The following OR2L13 variants were observed in gnomAD, a reference collection of about 807,000 sequenced individuals.
The protein encoded by OR2L13 is olfactory receptor 2L13.
In OR2L13, 14 loss-of-function variants were observed where a neutral mutation model predicts 15.3. That is an observed-to-expected ratio of 0.91 (90% CI 0.60 to 1.43). The LOEUF is 1.43. Among genes scored for constraint, OR2L13 ranks in the 40% most tolerant of loss-of-function variants. The pLI, the probability that OR2L13 is intolerant of heterozygous loss-of-function variation, is 0.00. For missense variants in OR2L13, 367 were observed against 387.9 expected, an observed-to-expected ratio of 0.95 and a Z score of 0.45; for synonymous variants, 152 against 142.9, an observed-to-expected ratio of 1.06 and a Z score of -0.45.
At chr1:248,031,971 C>A in the OR2L13 span, among the ~76,000 whole-genome samples, 1 of 151,764 alleles carries the variant, frequency 6.6e-6, no homozygotes, top group African/African-American at 2.4e-5. Context: ...CATCGACTGC[C>A]CTATATAAAA....
chr1:247,989,083 A>G, the OR2L13 span, among the ~76,000 whole-genome samples: 1 of 152,150 alleles, frequency 6.6e-6, no homozygotes, highest in Non-Finnish European at 1.5e-5. Context: ...GGGGGTCTGC[A>G]CTAACTTAAG....
chr1:247,945,797 G>C, the OR2L13 span, among the ~76,000 whole-genome samples: 1 of 151,930 alleles, frequency 6.6e-6, no homozygotes. Flanking sequence ...AGTCTATTTC[G>C]TCAGAAACTA....
At chr1:248,057,528 T>A in the OR2L13 span, among the ~76,000 whole-genome samples, 1 of 152,210 alleles carries the variant, frequency 6.6e-6, no homozygotes, top group South Asian at 2.1e-4. Flanking sequence ...TCTGTGTGCA[T>A]CTTTGCACAT....
the OR2L13 span, among the ~76,000 whole-genome samples, chr1:248,063,780 T>C: frequency 2.4e-5 from 3 of 123,792 alleles, no homozygotes; most frequent in Non-Finnish European, 5.1e-5. Context: ...TGTGAAGTAT[T>C]ACAAGATGTG....
chr1:248,013,045 T>C, the OR2L13 span, among the ~76,000 whole-genome samples: 1 of 151,792 alleles, frequency 6.6e-6, no homozygotes, highest in Non-Finnish European at 1.5e-5. Context: ...AAAATTGTTT[T>C]AAAATTTAAT....
chr1:248,071,808 T>C, the OR2L13 span, among the ~76,000 whole-genome samples: 1 of 148,810 alleles, frequency 6.7e-6, no homozygotes, highest in African/African-American at 2.5e-5. Flanking sequence ...TGTACAAAAA[T>C]CACAAGCATT....
the OR2L13 span, among the ~76,000 whole-genome samples, chr1:248,017,276 A>G: frequency 6.6e-6 from 1 of 152,226 alleles, no homozygotes; most frequent in Non-Finnish European, 1.5e-5. Flanking sequence ...TTATTTTTAC[A>G]TAAGAAAAAA....
At chr1:248,082,234 T>C in the OR2L13 span, among the ~76,000 whole-genome samples, 2 of 145,784 alleles carry the variant, frequency 1.4e-5, no homozygotes, top group East Asian at 2.0e-4. Context: ...CAGTAAACTA[T>C]TGCAAGAACA....
At chr1:248,030,745 G>A in the OR2L13 span, among the ~76,000 whole-genome samples, 4 of 152,114 alleles carry the variant, frequency 2.6e-5, no homozygotes, top group Non-Finnish European at 5.9e-5. Context: ...CTAAGATGTC[G>A]GTGGTGATGT....
the OR2L13 span, among the ~76,000 whole-genome samples, chr1:248,019,250 A>T: frequency 2.0e-5 from 3 of 152,218 alleles, no homozygotes; most frequent in Non-Finnish European, 4.4e-5. Context: ...TTTGACTTTA[A>T]TATGCATTTA....
At chr1:248,041,690 G>T in the OR2L13 span, 3 of 152,092 alleles carry the variant, frequency 2.0e-5, no homozygotes, top group Non-Finnish European at 2.9e-5. Context: ...CCATCAAAAA[G>T]TGGGTGAAGG....
At chr1:248,031,507 G>T in the OR2L13 span, among the ~76,000 whole-genome samples, 1 of 152,194 alleles carries the variant, frequency 6.6e-6, no homozygotes, top group Non-Finnish European at 1.5e-5. Flanking sequence ...GTCTTTTAAT[G>T]GGGTCTTGGT....
At chr1:248,098,822 C>T (rs944315022) in intron 2 of OR2L13, 47 bp downstream of exon 2, 2 of 152,488 alleles carry the variant, frequency 1.3e-5, no homozygotes, top group African/African-American at 2.4e-5. Context: ...TTTACGAATA[C>T]CTGGGAAACT....
At chr1:248,034,140 C>T in the OR2L13 span, among the ~76,000 whole-genome samples, 9 of 152,168 alleles carry the variant, frequency 5.9e-5, no homozygotes, top group African/African-American at 2.2e-4. Context: ...CTACAAAACA[C>T]TGCTGAAAGA....
exon 3 of OR2L13, chr1:248,099,943 G>T: frequency 6.2e-7 from 1 of 1,614,090 alleles, no homozygotes; most frequent in Non-Finnish European, 8.5e-7. Flanking sequence ...TGCCTGTACA[G>T]ATACTTGGGT....
chr1:247,971,248 T>C, the OR2L13 span, among the ~76,000 whole-genome samples: 1 of 152,112 alleles, frequency 6.6e-6, no homozygotes, highest in Non-Finnish European at 1.5e-5. Flanking sequence ...TTTTCTTTTC[T>C]TCAAATAAGG....
chr1:248,100,073 G>A, exon 3 of OR2L13: 1 of 1,613,852 alleles, frequency 6.2e-7, no homozygotes, highest in Non-Finnish European at 8.5e-7. Context: ...AAGGAGGGGA[G>A]AAAAAAGGCC....
At chr1:248,047,502 G>C in the OR2L13 span, among the ~76,000 whole-genome samples, 1 of 152,130 alleles carries the variant, frequency 6.6e-6, no homozygotes, top group Non-Finnish European at 1.5e-5. Context: ...TGTTCTTCTG[G>C]AAATCAATAA....
At chr1:248,044,792 A>G in the OR2L13 span, among the ~76,000 whole-genome samples, 4 of 73,450 alleles carry the variant, frequency 5.4e-5, no homozygotes, top group Admixed American at 4.6e-4. Flanking sequence ...CCTGGGCGAC[A>G]GAGCGAAACT....
Sources: gnomAD v4.1 joint callset for allele counts (sites outside exome capture counted in the v4.1 genomes callset) on GRCh38, gnomAD v4.1.1 for gene constraint, MANE v1.5 for transcripts, NCBI Gene and HGNC (gene_info 2026-07-23, HGNC 2026-07-21) for gene names.